Variants in RIMS2 observed in about 807,000 individuals in gnomAD.
RIMS2 encodes regulating synaptic membrane exocytosis protein 2.
RIMS2 carries 59 observed loss-of-function variants against 174.4 expected under a neutral mutation model. The observed-to-expected ratio is 0.34, with a 90% CI of 0.27 to 0.42. RIMS2 has a LOEUF of 0.42. Among genes scored for constraint, RIMS2 ranks in the 10% least tolerant of loss-of-function variants. The pLI, the probability that RIMS2 is intolerant of heterozygous loss-of-function variation, is 1.00. For synonymous variants in RIMS2, 606 were observed against 572.5 expected (o/e 1.06, Z -0.84); for missense variants, 1,620 against 1,666.3 (o/e 0.97, Z 0.48).
chr8:103,590,901 T>C (rs1246723825), intron 1 of RIMS2, among the ~76,000 whole-genome samples: 1 of 151,146 alleles, frequency 6.6e-6, no homozygotes, highest in Admixed American at 6.6e-5. Flanking sequence ...TTTGGATAAA[T>C]ACCTGTAAGT....
chr8:103,818,789 A>C (rs1009625422), intron 3 of RIMS2, among the ~76,000 whole-genome samples: 8 of 152,232 alleles, frequency 5.3e-5, no homozygotes, highest in African/African-American at 1.7e-4. Context: ...AAATTTTAAA[A>C]TAAGAAATTA....
At chr8:103,793,758 A>G (rs2098523888) in intron 3 of RIMS2, among the ~76,000 whole-genome samples, 1 of 152,202 alleles carries the variant, frequency 6.6e-6, no homozygotes, top group African/African-American at 2.4e-5. Flanking sequence ...ATCAATGTGC[A>G]AAAATCACAA....
intron 19 of RIMS2, among the ~76,000 whole-genome samples, chr8:104,044,328 A>G (rs772777783): frequency 4.6e-5 from 7 of 151,548 alleles, no homozygotes; most frequent in Non-Finnish European, 7.4e-5. Flanking sequence ...GAAGGAATGA[A>G]CCATGTAATT....
downstream of RIMS2, chr8:104,256,059 G>C (rs2099366966): frequency 6.6e-6 from 1 of 152,192 alleles, no homozygotes; most frequent in Non-Finnish European, 1.5e-5. Context: ...AACAATGTTT[G>C]ACACATAGCT....
intron 19 of RIMS2, among the ~76,000 whole-genome samples, chr8:104,115,043 A>C (rs1351548581): frequency 6.6e-6 from 1 of 152,094 alleles, no homozygotes; most frequent in Non-Finnish European, 1.5e-5. Flanking sequence ...GTAGTAACAA[A>C]ATGTAAGAGT....
intron 19 of RIMS2, among the ~76,000 whole-genome samples, chr8:104,185,552 T>G (rs2098963545): frequency 6.6e-6 from 1 of 151,626 alleles, no homozygotes; most frequent in Non-Finnish European, 1.5e-5. Context: ...TCATTAAAAC[T>G]TCAAACAATA....
chr8:103,954,016 C>T (rs926675974), intron 14 of RIMS2, among the ~76,000 whole-genome samples: 1 of 152,118 alleles, frequency 6.6e-6, no homozygotes, highest in African/African-American at 2.4e-5. Context: ...AAGGCCATTA[C>T]ATAATGGTAA....
chr8:103,929,777 C>T lies in RIMS2; in HGVS notation c.2245-1486C>T, dbSNP rs372486463. On this transcript the variant is annotated intron_variant, in intron 11 of 23. Coordinates refer to ENST00000504942, the Ensembl canonical transcript of RIMS2. Reference sequence around the variant, plus strand: ...CCAGAAGAATAGTCTCTTTTTTGCCCGTTTTTCTTATCTGTATCTATGTTC... The same window carrying T: ...CCAGAAGAATAGTCTCTTTTTTGCCTGTTTTTCTTATCTGTATCTATGTTC... 2.2e-4 allele frequency among the ~76,000 whole-genome samples: 34 copies of T among 151,724 alleles called. No individual in the cohort carries two copies. The East Asian group carries it at 5.6e-3, about 25-fold the overall frequency.
intron 1 of RIMS2, among the ~76,000 whole-genome samples, chr8:103,586,590 G>A (rs1299388423): frequency 2.6e-5 from 4 of 152,074 alleles, no homozygotes; most frequent in Admixed American, 2.6e-4. Flanking sequence ...TTGGAATGCA[G>A]CAACAGCAGT....
chr8:103,951,943 T>A (rs1459855034), intron 14 of RIMS2, among the ~76,000 whole-genome samples: 1 of 152,168 alleles, frequency 6.6e-6, no homozygotes, highest in African/African-American at 2.4e-5. Context: ...TTGCTGAGCC[T>A]TGAGTAGGCG....
intron 19 of RIMS2, among the ~76,000 whole-genome samples, chr8:104,120,326 T>C (rs2132288568): frequency 6.6e-6 from 1 of 152,356 alleles, no homozygotes; most frequent in East Asian, 1.9e-4. Flanking sequence ...GATATTATTA[T>C]TGAATTATAT....
At chr8:103,628,793 G>C (rs1161644843) in intron 1 of RIMS2, among the ~76,000 whole-genome samples, 1 of 145,374 alleles carries the variant, frequency 6.9e-6, no homozygotes, top group East Asian at 2.0e-4. Flanking sequence ...AAAGCCTGCT[G>C]TCTCTAGCTA....
At chr8:104,089,013 G>A (rs1247324306) in intron 19 of RIMS2, among the ~76,000 whole-genome samples, 1 of 151,908 alleles carries the variant, frequency 6.6e-6, no homozygotes, top group Non-Finnish European at 1.5e-5. Flanking sequence ...TCTAGTTCAT[G>A]ATCTTCTTAA....
At chr8:103,610,981 A>G (rs1045317671) in intron 1 of RIMS2, among the ~76,000 whole-genome samples, 5 of 152,142 alleles carry the variant, frequency 3.3e-5, no homozygotes, top group African/African-American at 7.2e-5. Context: ...TAGGATTTTT[A>G]TTACTGATTC....
intron 17 of RIMS2, among the ~76,000 whole-genome samples, chr8:104,004,023 A>T (rs1181996922): frequency 6.6e-6 from 1 of 152,188 alleles, no homozygotes. Context: ...TATATCTTCA[A>T]TAACTAGATT....
chr8:103,939,320 T>C (rs1466713367), intron 13 of RIMS2, among the ~76,000 whole-genome samples: 1 of 152,208 alleles, frequency 6.6e-6, no homozygotes, highest in African/African-American at 2.4e-5. Context: ...CTCAACACCA[T>C]GTGGAAGCTG....
At position 103,766,212 on chromosome 8, in the gene RIMS2, T is replaced by C. The variant is rs764752297; in HGVS notation, c.388-15T>C. ...TGGGAACACTAATTTTTTCCCCCTA[T>C]GTCTTCATGTGCAGGTTATGTGGGT... On this transcript the variant is annotated splice_polypyrimidine_tract_variant and intron_variant, in intron 2 of 23. Coordinates refer to ENST00000504942, the Ensembl canonical transcript of RIMS2. 2 of 1,572,388 alleles carry C rather than the reference T, an allele frequency of 1.3e-6. No individual in the cohort carries two copies. The highest frequency in any genetic ancestry group is 1.7e-6 in the Non-Finnish European group (2 of 1,156,184).
chr8:103,552,165 CA>C (rs1393530142), intron 1 of RIMS2, among the ~76,000 whole-genome samples: 1 of 152,038 alleles, frequency 6.6e-6, no homozygotes, highest in Non-Finnish European at 1.5e-5. Context: ...GCCAAAAAAA[CA>C]AAGCTGGAGG....
At chr8:103,639,925 A>G (rs994081649) in intron 1 of RIMS2, among the ~76,000 whole-genome samples, 1 of 151,982 alleles carries the variant, frequency 6.6e-6, no homozygotes, top group Non-Finnish European at 1.5e-5. Flanking sequence ...AGATCAAATC[A>G]TAAGAACTGA....
Sources: allele counts gnomAD v4.1 joint callset (sites outside exome capture counted in the v4.1 genomes callset), GRCh38; gene constraint gnomAD v4.1.1; transcripts MANE v1.5; gene names NCBI Gene and HGNC (gene_info 2026-07-23, HGNC 2026-07-21).